The following DYM variants were observed in gnomAD, a reference collection of about 807,000 sequenced individuals.
The protein encoded by DYM is dymeclin.
In DYM, 78 loss-of-function variants were observed where a neutral mutation model predicts 93.1. The observed-to-expected ratio is 0.84, with a 90% CI of 0.70 to 1.01. The LOEUF (loss-of-function observed/expected upper bound fraction) is 1.01. DYM is among the 50% of genes least tolerant of loss of function. DYM has a pLI of 0.00. For synonymous variants in DYM, 321 were observed against 319.7 expected, an observed-to-expected ratio of 1.00 and a Z score of -0.04; for missense variants, 789 against 845.0, an observed-to-expected ratio of 0.93 and a Z score of 0.82.
intron 7 of DYM, among the ~76,000 whole-genome samples, 162 bp from the exon 8 acceptor site, chr18:49,332,168 T>C (rs1263112574): frequency 2.0e-5 from 3 of 152,204 alleles, no homozygotes; most frequent in Non-Finnish European, 1.5e-5. Flanking sequence ...GTGAAGACCA[T>C]GGGCTTTGAG....
chr18:49,173,907 G>C (rs1200129258), intron 14 of DYM, among the ~76,000 whole-genome samples: 1 of 152,092 alleles, frequency 6.6e-6, no homozygotes, highest in Non-Finnish European at 1.5e-5. Flanking sequence ...AAAGGTCAGA[G>C]TACATATTCT....
chr18:49,275,473 T>C (rs2145610014), intron 10 of DYM, among the ~76,000 whole-genome samples: 1 of 152,324 alleles, frequency 6.6e-6, no homozygotes, highest in South Asian at 2.1e-4. Context: ...TTACATGAAT[T>C]TTTTAATCAT....
chr18:49,251,092 C>G (rs1164891038), intron 13 of DYM, among the ~76,000 whole-genome samples: 1 of 152,216 alleles, frequency 6.6e-6, no homozygotes, highest in South Asian at 2.1e-4. Flanking sequence ...AAAATCTCCA[C>G]GTATTGTCAA....
chr18:49,270,567 T>C (rs1021322148), intron 11 of DYM, among the ~76,000 whole-genome samples: 1 of 152,152 alleles, frequency 6.6e-6, no homozygotes, highest in African/African-American at 2.4e-5. Flanking sequence ...AGAGTATCAT[T>C]GCTCTTGCCA....
At chr18:49,362,599 T>C (rs1331465162) in intron 6 of DYM, among the ~76,000 whole-genome samples, 1 of 152,060 alleles carries the variant, frequency 6.6e-6, no homozygotes, top group Non-Finnish European at 1.5e-5. Flanking sequence ...CTATCCACAT[T>C]CCAGACAGCA....
chr18:49,353,534 G>A (rs2065294301), intron 6 of DYM, among the ~76,000 whole-genome samples: 1 of 151,798 alleles, frequency 6.6e-6, no homozygotes, highest in Non-Finnish European at 1.5e-5. Flanking sequence ...AAGGAATAAA[G>A]ACATATATTA....
intron 13 of DYM, among the ~76,000 whole-genome samples, chr18:49,227,688 G>C (rs1476114540): frequency 1.3e-5 from 2 of 152,134 alleles, no homozygotes; most frequent in Non-Finnish European, 2.9e-5. Context: ...GAAGCTTGCT[G>C]AGGTGGATGG....
At chr18:49,218,878 T>C (rs1400155766) in intron 13 of DYM, among the ~76,000 whole-genome samples, 1 of 151,950 alleles carries the variant, frequency 6.6e-6, no homozygotes, top group African/African-American at 2.4e-5. Flanking sequence ...ATTCAAAAGC[T>C]AGCAGAAGGC....
rs556340423 is a variant in DYM, at chr18:49,395,918, G to T, written c.141-4273C>A. ...GTGGGGCCTAATGGGAGGTGTCTGG[G>T]TCATGGGGGCAGATCCCTTATGAAC... On this transcript the variant is annotated intron_variant, in intron 2 of 17. Transcript: ENST00000675505. Among the ~76,000 whole-genome samples the T allele has an allele frequency of 2.6e-5, 4 of 152,276 alleles. No individual in the cohort carries two copies. The South Asian group carries it at 6.2e-4, about 24-fold the overall frequency.
chr18:49,299,510 C>A (rs982038079), intron 8 of DYM, among the ~76,000 whole-genome samples: 1 of 152,074 alleles, frequency 6.6e-6, no homozygotes, highest in Admixed American at 6.6e-5. Context: ...TTACGATATA[C>A]AGACTTTAAC....
At chr18:49,164,840 G>T (rs1474427524) in intron 14 of DYM, among the ~76,000 whole-genome samples, 3 of 152,170 alleles carry the variant, frequency 2.0e-5, no homozygotes, top group Non-Finnish European at 2.9e-5. Flanking sequence ...TGCTTTAGGA[G>T]TCAGACTATT....
intron 17 of DYM, among the ~76,000 whole-genome samples, chr18:49,046,209 C>T (rs540235099): frequency 4.0e-5 from 6 of 150,050 alleles, no homozygotes; most frequent in African/African-American, 1.5e-4. Context: ...TAGACACACA[C>T]ACCACAGACT....
At chr18:49,301,601 A>C (rs563565775) in intron 8 of DYM, among the ~76,000 whole-genome samples, 1 of 152,294 alleles carries the variant, frequency 6.6e-6, no homozygotes, top group East Asian at 1.9e-4. Flanking sequence ...TGAAATATGC[A>C]AATAGGAGTG....
intron 5 of DYM, among the ~76,000 whole-genome samples, chr18:49,367,090 G>T (rs1218535940): frequency 6.6e-6 from 1 of 152,152 alleles, no homozygotes; most frequent in African/African-American, 2.4e-5. Flanking sequence ...TATGGGCCCG[G>T]TTAGGAGGGA....
In DYM at chr18:49,037,618, A is replaced by G. The variant is rs1568325155; in HGVS notation, c.*6437T>C. 6.6e-6 allele frequency among the ~76,000 whole-genome samples: 1 copy of G among 152,212 alleles called. No homozygotes were observed. Among genetic ancestry groups the G allele is most frequent in the Non-Finnish European group, 1.5e-5 (1 of 68,028 alleles). On this transcript the variant is annotated 3_prime_UTR_variant, in exon 18 of 18. Transcript: ENST00000675505. ...GTCTTCTAAGCATAGTTTTATTTGC[A>G]TCCCACAAGTTTTTTCTCTGTTTTG...
chr18:49,100,680 A>C (rs1470101466), intron 16 of DYM, among the ~76,000 whole-genome samples: 2 of 152,240 alleles, frequency 1.3e-5, no homozygotes. Flanking sequence ...CGAAGGAAAC[A>C]AATCTATCCT....
intron 2 of DYM, chr18:49,412,827 TA>T (rs2072433679): frequency 6.6e-6 from 1 of 152,146 alleles, no homozygotes; most frequent in African/African-American, 2.4e-5. Context: ...GTGACCTAAT[TA>T]AACAAAAGTC....
chr18:49,195,916 C>T (rs1403178877), intron 14 of DYM, among the ~76,000 whole-genome samples: 12 of 84,034 alleles, frequency 1.4e-4, no homozygotes, highest in African/African-American at 3.9e-4. Context: ...ATGCTACCAT[C>T]TTTTTTTTTT....
intron 15 of DYM, among the ~76,000 whole-genome samples, chr18:49,136,274 C>T (rs911907283): frequency 1.3e-5 from 2 of 152,184 alleles, no homozygotes; most frequent in Admixed American, 6.5e-5. Context: ...AACAAGATGT[C>T]TTCAGTCCAA....
Sources: allele counts gnomAD v4.1 joint callset (sites outside exome capture counted in the v4.1 genomes callset), GRCh38; gene constraint gnomAD v4.1.1; transcripts MANE v1.5; gene names NCBI Gene and HGNC (gene_info 2026-07-23, HGNC 2026-07-21).